The following ASPG variants were observed in gnomAD, a reference collection of about 807,000 sequenced individuals.
The protein encoded by ASPG is 60 kDa lysophospholipase.
Under a neutral mutation model 63.2 loss-of-function variants are expected in ASPG, and 53 were observed. The ratio of observed to expected loss-of-function variants is 0.84; its 90% CI spans 0.67 to 1.05. ASPG has a LOEUF of 1.05. ASPG is among the 50% of genes least tolerant of loss of function. The pLI is 0.00. For missense variants in ASPG, 741 were observed against 794.4 expected (o/e 0.93, Z 0.81); for synonymous variants, 370 against 355.0 (o/e 1.04, Z -0.48).
At chr14:104,093,672 G>GGGGAC in intron 3 of ASPG, 70 bp downstream of exon 3, 1 of 1,136,536 alleles carries the variant, frequency 8.8e-7, no homozygotes, top group Non-Finnish European at 1.2e-6. Flanking sequence ...GGGTGGGGCT[G>GGGGAC]TGGTGTGTGG....
At chr14:104,087,550 T>C (rs898683807) in intron 1 of ASPG, among the ~76,000 whole-genome samples, 2 of 152,134 alleles carry the variant, frequency 1.3e-5, no homozygotes, top group South Asian at 2.1e-4. Flanking sequence ...GGAGCAGCCC[T>C]GCAAGGTGCA....
chr14:104,109,072 G>T lies in ASPG; in HGVS notation c.1434-157G>T, dbSNP rs559314031. On this transcript the variant is annotated intron_variant, in intron 12 of 15. Transcript: ENST00000551177. This position sits in a 1 kb window ranked among gnomAD's most constrained non-coding sequence, Gnocchi z 4.8. ...TGTCACATGGGCCTAGGCAGAGGATGGGGGGATGGGCCCTTGTCTGAGGCT... is the reference window on the plus strand; with the variant it reads ...TGTCACATGGGCCTAGGCAGAGGATTGGGGGATGGGCCCTTGTCTGAGGCT... 165 of 985,434 alleles carry T rather than the reference G, an allele frequency of 1.7e-4. No homozygotes were observed. Among genetic ancestry groups the T allele is most frequent in the Non-Finnish European group, 1.8e-4 (150 of 829,938 alleles). The allele number at this position is 985,434 out of a possible 1,614,324, so 61.0% of individuals were successfully genotyped here.
At position 104,110,204 on chromosome 14, in the gene ASPG, G is replaced by A. The variant is rs1219236547; in HGVS notation, c.1520+889G>A. On this transcript the variant is annotated intron_variant, in intron 13 of 15. Transcript: ENST00000551177. This position sits in a 1 kb window ranked among gnomAD's most constrained non-coding sequence, Gnocchi z 4.7. ...GTGCTGTGAGTGGTGGGGTCTGTGC[G>A]CCTGTAAGTCCAGAGTCCCAGGCTT... The A allele has an allele frequency of 1.4e-5, 14 of 985,022 alleles. No individual in the cohort carries two copies. The highest frequency in any genetic ancestry group is 8.7e-5 in the African/African-American group (5 of 57,144). 61.0% of individuals were successfully genotyped at this position (985,022 alleles called of 1,614,324 possible). A position where few individuals can be genotyped will look rare whatever the true frequency, so the allele number is the denominator to read the frequency against.
chr14:104,086,155 G>T (rs1358001330), intron 1 of ASPG, among the ~76,000 whole-genome samples: 1 of 152,200 alleles, frequency 6.6e-6, no homozygotes, highest in African/African-American at 2.4e-5. Context: ...TGAAGTCCTG[G>T]AATATGGGGC....
chr14:104,095,001 C>T (rs1246000459), intron 3 of ASPG, among the ~76,000 whole-genome samples: 1 of 152,136 alleles, frequency 6.6e-6, no homozygotes, highest in Non-Finnish European at 1.5e-5. Flanking sequence ...GGGTGGTGGC[C>T]GGAGGACGTC....
At chr14:104,104,970 C>G in intron 9 of ASPG, 1 of 581,600 alleles carries the variant, frequency 1.7e-6, no homozygotes, top group East Asian at 2.9e-5. Flanking sequence ...TGTGCCTTCT[C>G]AGACTGCATG....
At position 104,115,154 on chromosome 14, in the gene ASPG, A is replaced by T. The variant is rs2037444746; in HGVS notation, c.*2610A>T. The T allele has an allele frequency of 6.6e-6, 1 of 152,214 alleles. No individual in the cohort carries two copies. The highest frequency in any genetic ancestry group is 1.5e-5 in the Non-Finnish European group (1 of 68,038). 9.4% of individuals were successfully genotyped at this position (152,214 alleles called of 1,614,324 possible). A position where few individuals can be genotyped will look rare whatever the true frequency, so the allele number is the denominator to read the frequency against. On this transcript the variant is annotated 3_prime_UTR_variant, in exon 16 of 16. Transcript: ENST00000551177. ...CACCAGCATTTTCTATCCTAAAATC[A>T]GACTCCTCAGCTGAGGGCCCTCCAG...
At position 104,106,810 on chromosome 14, in the gene ASPG, C is replaced by T. The variant is rs747113738; in HGVS notation, c.1185C>T (p.Ala395=). ...LSLSGSQEAD[A]LRNALVPSLA... ...CCTTCCCCACCTAGGAGGCAGATGC[C>T]CTGCGGAATGCCCTGGTGCCCAGCC... Residue 395 remains alanine (A), a synonymous_variant, in exon 11 of 16, where the codon GCC becomes GCT. Transcript: ENST00000551177. 2 of 1,598,188 alleles carry T rather than the reference C, an allele frequency of 1.3e-6. No individual in the cohort carries two copies. Among genetic ancestry groups the T allele is most frequent in the Non-Finnish European group, 8.5e-7 (1 of 1,173,914 alleles).
chr14:104,111,786 C>T (rs948993933), intron 14 of ASPG, 134 bp from the exon 15 acceptor site: 25 of 1,013,464 alleles, frequency 2.5e-5, no homozygotes, highest in South Asian at 3.1e-5. Flanking sequence ...GTGGGGGTGA[C>T]GAGAGTGGAG....
rs941953 is a variant in ASPG at position 104,093,515 on chromosome 14, T to C, written c.216T>C (p.Ile72=). The change falls in exon 3 of 16, where the codon ATT becomes ATC. Residue 72 remains isoleucine, a synonymous_variant. Transcript: ENST00000551177. The part of the protein sequence containing the change: ...VLPPASRNQR[I]LYTVLECQPL... ...GCCCGGCCAGCCGCAACCAGAGGATTCTCTACACCGTGCTGGAGTGCCAGC... is the reference window on the plus strand; with the variant it reads ...GCCCGGCCAGCCGCAACCAGAGGATCCTCTACACCGTGCTGGAGTGCCAGC... The C allele has an allele frequency of 0.21, 341,974 of 1,610,092 alleles. 47,043 individuals are homozygous for C. Among genetic ancestry groups the C allele is most frequent in the African/African-American group, 0.6 (44,905 of 74,824 alleles).
At position 104,092,704 on chromosome 14, in the gene ASPG, C is replaced by T. The variant is rs1018776964; in HGVS notation, c.154C>T (p.Arg52Ter). 2.1e-5 allele frequency: 33 copies of T among 1,537,306 alleles called. No homozygotes were observed. Among genetic ancestry groups the T allele is most frequent in the East Asian group, 4.9e-5 (2 of 40,982 alleles). Residue 52 changes from arginine (R) to a stop codon, truncating the protein, a stop_gained, in exon 2 of 16, where the codon CGA becomes TGA. Coordinates refer to ENST00000551177, the MANE Select transcript of ASPG (RefSeq NM_001080464.3). LOFTEE classifies it high-confidence loss of function. ...LPMFHDEEHARARGLSEDTLV... is the reference protein window; with the variant it reads ...LPMFHDEEHA ...CATGTTCCATGACGAGGAGCACGCC[C>T]GAGCCCGCGGCCTCTCTGAGGACAC...
rs201162007 is a variant in ASPG, at chr14:104,098,868, C to T, written c.529C>T (p.Gln177Ter). 6.4e-4 allele frequency: 1,034 copies of T among 1,612,930 alleles called. 2 individuals carry two copies. Among genetic ancestry groups the T allele is most frequent in the Non-Finnish European group, 8.2e-4 (972 of 1,179,736 alleles). ...YVIPEVCLFFQNQLFRGNRAT... is the reference protein window; with the variant it reads ...YVIPEVCLFF ...GTTCCCGCAGGTCTGCCTTTTCTTC[C>T]AGAATCAGCTGTTTCGGGGCAACCG... The change falls in exon 6 of 16, where the codon CAG (glutamine) becomes TAG (stop). Residue 177 changes from glutamine to a stop codon, truncating the protein, a stop_gained. Coordinates refer to ENST00000551177, the MANE Select transcript of ASPG (RefSeq NM_001080464.3). LOFTEE classifies it high-confidence loss of function.
chr14:104,113,690 C>G lies in ASPG; in HGVS notation c.*1146C>G, dbSNP rs992243578. On this transcript the variant is annotated 3_prime_UTR_variant, in exon 16 of 16. Transcript: ENST00000551177. ...AGCTGGCCCTTGGCACCTGGGCATA[C>G]CCCAGGCTCCTCAGCCTGGTTCCCA... The G allele has an allele frequency of 6.6e-6, 1 of 152,350 alleles. No homozygotes were observed. The highest frequency in any genetic ancestry group is 1.5e-5 in the Non-Finnish European group (1 of 68,118). 9.4% of individuals were successfully genotyped at this position (152,350 alleles called of 1,614,324 possible).
intron 10 of ASPG, among the ~76,000 whole-genome samples, chr14:104,105,737 G>C (rs1220860880): frequency 1.3e-5 from 2 of 152,214 alleles, no homozygotes; most frequent in Middle Eastern, 3.2e-3. Flanking sequence ...GGAGCTGCCT[G>C]TCCAGAAGAA....
chr14:104,095,978 C>T (rs1212014990), intron 4 of ASPG, among the ~76,000 whole-genome samples: 1 of 152,166 alleles, frequency 6.6e-6, no homozygotes, highest in Non-Finnish European at 1.5e-5. Context: ...TTCCTTGCGG[C>T]TGCTGCCCAC....
chr14:104,111,038 T>G, intron 13 of ASPG: 1 of 985,452 alleles, frequency 1.0e-6, no homozygotes, highest in East Asian at 1.1e-4. Flanking sequence ...CAAACTTTCC[T>G]TCCACCTTTG....
intron 12 of ASPG, chr14:104,108,748 C>G (rs185584782): frequency 1.0e-6 from 1 of 985,400 alleles, no homozygotes; most frequent in Non-Finnish European, 1.2e-6. Context: ...CAAGGGCAGT[C>G]GGCCGGATTG....
Position 104,111,975 on chromosome 14 carries a change from C to T in ASPG, c.1676C>T (p.Ala559Val), listed in dbSNP as rs750221062. The change falls in exon 15 of 16, where the codon GCG becomes GTG. Residue 559 changes from alanine to valine, a missense_variant. Transcript: ENST00000551177. ...VVAFLQSLEG[A>V]VGAQAPCPEV... ...GCCTTTCTACAGAGCCTGGAGGGTG[C>T]GGTTGGTGCCCAGGCCCCATGCCCA... is the stretch of plus-strand genomic sequence containing the variant. 1.9e-5 allele frequency: 29 copies of T among 1,556,210 alleles called. No homozygotes were observed. The African/African-American group carries it at 2.3e-4, about 12-fold the overall frequency.
intron 4 of ASPG, among the ~76,000 whole-genome samples, 199 bp downstream of exon 4, chr14:104,095,855 A>AG (rs1219028654): frequency 6.6e-6 from 1 of 151,944 alleles, no homozygotes; most frequent in African/African-American, 2.4e-5. Flanking sequence ...GCCCCGCAGG[A>AG]GGGGGGTCAT....
Sources: gnomAD v4.1 joint callset for allele counts (sites outside exome capture counted in the v4.1 genomes callset) on GRCh38, gnomAD v4.1.1 for gene constraint, Gnocchi (gnomAD v3.1) non-coding constraint, MANE v1.5 for transcripts, NCBI Gene and HGNC (gene_info 2026-07-23, HGNC 2026-07-21) for gene names.